GRM5: variants seen among roughly 807,000 people sequenced by gnomAD.
GRM5 encodes the protein glutamate metabotropic receptor 5, also known as metabotropic glutamate receptor 5.
Under a neutral mutation model 83.1 loss-of-function variants are expected in GRM5, and 19 were observed. That is an observed-to-expected ratio of 0.23 (90% CI 0.16 to 0.34). The LOEUF is 0.34. GRM5 is among the 10% of genes least tolerant of loss of function. The pLI is 1.00. For missense variants in GRM5, 1,160 were observed against 1,588.3 expected (o/e 0.73, Z 4.58); for synonymous variants, 675 against 633.6 (o/e 1.07, Z -0.98).
chr11:88,545,574 G>T (rs1470040267), intron 8 of GRM5, among the ~76,000 whole-genome samples: 7 of 151,732 alleles, frequency 4.6e-5, no homozygotes, highest in Non-Finnish European at 8.8e-5. Context: ...TCTCCTTGAG[G>T]TTGAATTACA....
intron 2 of GRM5, among the ~76,000 whole-genome samples, chr11:89,001,626 CTG>C (rs1456365148): frequency 6.6e-6 from 1 of 152,166 alleles, no homozygotes; most frequent in East Asian, 1.9e-4. Context: ...CTGTTCTTGA[CTG>C]TATTAGTGTC....
chr11:88,555,731 G>C (rs1461476933), intron 8 of GRM5, among the ~76,000 whole-genome samples: 1 of 152,142 alleles, frequency 6.6e-6, no homozygotes. Context: ...ATGCACCTGA[G>C]AGATGCTGTG....
At chr11:88,806,810 C>T (rs1464676399) in intron 3 of GRM5, among the ~76,000 whole-genome samples, 1 of 151,996 alleles carries the variant, frequency 6.6e-6, no homozygotes, top group African/African-American at 2.4e-5. Flanking sequence ...TACTTGTATT[C>T]TTTCAATGTG....
intron 3 of GRM5, among the ~76,000 whole-genome samples, chr11:88,746,870 C>G (rs1239033141): frequency 6.6e-6 from 1 of 152,070 alleles, no homozygotes; most frequent in African/African-American, 2.4e-5. Context: ...GTCAAGAAAC[C>G]TAACCATAAA....
intron 3 of GRM5, among the ~76,000 whole-genome samples, chr11:88,661,459 A>AT (rs142361612): frequency 0.022 from 3,230 of 150,092 alleles, 94 homozygotes; most frequent in East Asian, 0.12. Context: ...GCATCTCAGT[A>AT]TTTTTTTTTT....
intron 3 of GRM5, among the ~76,000 whole-genome samples, chr11:88,782,896 A>G (rs376361965): frequency 1.3e-5 from 2 of 152,110 alleles, no homozygotes; most frequent in Non-Finnish European, 2.9e-5. Context: ...TAAGCCCTTC[A>G]CAGATATTAT....
intron 3 of GRM5, among the ~76,000 whole-genome samples, chr11:88,812,100 T>G (rs1943598944): frequency 6.6e-6 from 1 of 152,144 alleles, no homozygotes; most frequent in South Asian, 2.1e-4. Context: ...GTTTTATAAG[T>G]CTGAAGGGTA....
intron 8 of GRM5, among the ~76,000 whole-genome samples, chr11:88,541,001 C>T (rs929570479): frequency 2.0e-5 from 3 of 152,180 alleles, no homozygotes; most frequent in Admixed American, 1.3e-4. Flanking sequence ...CCGCCCGCCT[C>T]GGCTTCCCAA....
chr11:88,780,269 C>A (rs372788434), intron 3 of GRM5, among the ~76,000 whole-genome samples: 1 of 152,182 alleles, frequency 6.6e-6, no homozygotes, highest in African/African-American at 2.4e-5. Context: ...TTCTAATAAA[C>A]AATTTCCTGT....
intron 3 of GRM5, among the ~76,000 whole-genome samples, chr11:88,671,608 C>T (rs76807710): frequency 0.026 from 3,924 of 151,814 alleles, 206 homozygotes; most frequent in Admixed American, 0.14. Context: ...AACAAACTAC[C>T]GTTACATGAA....
chr11:88,890,282 TG>T (rs1945122035), intron 2 of GRM5, among the ~76,000 whole-genome samples: 1 of 152,144 alleles, frequency 6.6e-6, no homozygotes, highest in Non-Finnish European at 1.5e-5. Context: ...TAGTATAAAA[TG>T]GCACACTTAA....
At chr11:88,998,340 G>A (rs576286421) in intron 2 of GRM5, among the ~76,000 whole-genome samples, 25 of 152,166 alleles carry the variant, frequency 1.6e-4, no homozygotes, top group African/African-American at 4.8e-4. Context: ...ATCAATGAAC[G>A]CAGAGATACC....
At chr11:88,742,599 G>C (rs774157688) in intron 3 of GRM5, among the ~76,000 whole-genome samples, 1 of 152,052 alleles carries the variant, frequency 6.6e-6, no homozygotes, top group South Asian at 2.1e-4. Flanking sequence ...GGTATTTATT[G>C]TTCCTTTCTG....
At position 88,978,474 on chromosome 11, in the gene GRM5, TAAAAAAAAAAAAAAAAAAAAA is replaced by T. The variant is rs200343438; in HGVS notation, c.661+68717_661+68737del. ...TAACATTAACAACAGCAGATGAGCT[TAAAAAAAAAAAAAAAAAAAAA>T]AAAAAAAAAAAAAAAAAAAAACCTC... is the stretch of plus-strand genomic sequence containing the variant. On this transcript the variant is annotated intron_variant, in intron 2 of 9. Coordinates refer to ENST00000305447, the MANE Select transcript of GRM5 (RefSeq NM_001143831.3). Among the ~76,000 whole-genome samples, 104 of 97,980 alleles carry T rather than the reference TAAAAAAAAAAAAAAAAAAAAA, an allele frequency of 1.1e-3. 2 individuals carry two copies. The highest frequency in any genetic ancestry group is 2.4e-3 in the African/African-American group (66 of 27,208). The allele number at this position is 97,980 out of a possible 152,430, so 64.3% of individuals were successfully genotyped here. A position where few individuals can be genotyped will look rare whatever the true frequency, so the allele number is the denominator to read the frequency against.
chr11:88,874,725 A>C (rs1169613744), intron 2 of GRM5, among the ~76,000 whole-genome samples: 1 of 151,944 alleles, frequency 6.6e-6, no homozygotes, highest in Non-Finnish European at 1.5e-5. Flanking sequence ...ATATATAGGT[A>C]TACAAGGGAA....
intron 3 of GRM5, among the ~76,000 whole-genome samples, chr11:88,812,671 A>G (rs1943607877): frequency 6.6e-6 from 1 of 152,178 alleles, no homozygotes; most frequent in Non-Finnish European, 1.5e-5. Context: ...CTCTGCCTTA[A>G]AGTGTATTAC....
chr11:88,568,707 A>G (rs941229880), intron 7 of GRM5, among the ~76,000 whole-genome samples: 3 of 152,162 alleles, frequency 2.0e-5, no homozygotes, highest in African/African-American at 7.2e-5. Context: ...TTAGAGCCAT[A>G]TAGAGTGTTT....
intron 3 of GRM5, among the ~76,000 whole-genome samples, chr11:88,693,219 T>C (rs1940821864): frequency 6.6e-6 from 1 of 152,220 alleles, no homozygotes; most frequent in Non-Finnish European, 1.5e-5. Context: ...TTAGGTACTA[T>C]GGGAGAAGCA....
chr11:88,553,082 C>T, intron 8 of GRM5, among the ~76,000 whole-genome samples: 1 of 152,174 alleles, frequency 6.6e-6, no homozygotes, highest in Non-Finnish European at 1.5e-5. Context: ...CAGTTTTTCT[C>T]AAGTACCATC....
Sources: gnomAD v4.1 joint callset for allele counts (sites outside exome capture counted in the v4.1 genomes callset) on GRCh38, gnomAD v4.1.1 for gene constraint, MANE v1.5 for transcripts, NCBI Gene and HGNC (gene_info 2026-07-23, HGNC 2026-07-21) for gene names.